The following FLNB variants were observed in gnomAD, a reference collection of about 807,000 sequenced individuals.
FLNB encodes the protein filamin-B.
FLNB carries 111 observed loss-of-function variants against 250.6 expected under a neutral mutation model. That is an observed-to-expected ratio of 0.44 (90% confidence interval 0.38 to 0.52). The LOEUF is 0.52. Among genes scored for constraint, FLNB ranks in the 20% least tolerant of loss-of-function variants. The pLI is 0.00. For synonymous variants in FLNB, 1,302 were observed against 1,372.1 expected, an observed-to-expected ratio of 0.95 and a Z score of 1.13; for missense variants, 2,869 against 3,447.8, an observed-to-expected ratio of 0.83 and a Z score of 4.20.
chr3:58,078,935 GT>G, intron 3 of FLNB, 121 bp downstream of exon 3: 4 of 706,520 alleles, frequency 5.7e-6, no homozygotes, highest in Non-Finnish European at 1.0e-5. Flanking sequence ...AGCATTGCCT[GT>G]GATGCTCTCT....
intron 1 of FLNB, among the ~76,000 whole-genome samples, chr3:58,034,239 G>C (rs976508789): frequency 6.6e-6 from 1 of 152,084 alleles, no homozygotes; most frequent in Non-Finnish European, 1.5e-5. Context: ...TTTCTGAGTG[G>C]AATGTTAGGA....
At chr3:58,040,231 G>C (rs970012532) in intron 1 of FLNB, among the ~76,000 whole-genome samples, 1 of 152,182 alleles carries the variant, frequency 6.6e-6, no homozygotes, top group African/African-American at 2.4e-5. Context: ...AGTGTTTGTT[G>C]AATAATAAGC....
intron 28 of FLNB, among the ~76,000 whole-genome samples, chr3:58,137,541 C>A (rs1376172775): frequency 6.6e-6 from 1 of 152,230 alleles, no homozygotes; most frequent in Admixed American, 6.5e-5. Context: ...ACAAACTGTT[C>A]TTGCCACCCT....
At chr3:58,078,613 A>T in intron 2 of FLNB, 104 bp from the exon 3 acceptor site, 1 of 1,516,908 alleles carries the variant, frequency 6.6e-7, no homozygotes, top group Non-Finnish European at 8.9e-7. Context: ...GGAAAAAATC[A>T]TTCTCTGAAC....
At chr3:58,141,798 G>A in intron 29 of FLNB, 60 bp from the exon 30 acceptor site, 1 of 1,457,452 alleles carries the variant, frequency 6.9e-7, no homozygotes, top group South Asian at 1.1e-5. Context: ...TGTGGTGGTA[G>A]TCTACTGAGT....
In FLNB at chr3:58,109,883, ACT is replaced by A. The variant is rs565961748; in HGVS notation, c.2324-124_2324-123del. 3.5e-4 allele frequency: 503 copies of A among 1,428,442 alleles called. 3 individuals are homozygous for A. The African/African-American group carries it at 6.3e-3, about 18-fold the overall frequency. 88.5% of individuals were successfully genotyped at this position (1,428,442 alleles called of 1,614,324 possible). The stretch of plus-strand genomic sequence containing the variant: ...CCATCATCCCTTTCCCCAAATCCTT[ACT>A]CTTTCTCAGGTTTCTTACTAGAAAC... On this transcript the variant is annotated intron_variant, in intron 15 of 45. Coordinates refer to ENST00000295956, the MANE Select transcript of FLNB (RefSeq NM_001457.4).
At chr3:58,075,265 G>C (rs191882660) in intron 1 of FLNB, among the ~76,000 whole-genome samples, 1 of 151,988 alleles carries the variant, frequency 6.6e-6, no homozygotes, top group African/African-American at 2.4e-5. Flanking sequence ...CTCAACAAGC[G>C]GCTTAGTTCT....
chr3:58,139,014 C>T (rs1476362138), intron 29 of FLNB, among the ~76,000 whole-genome samples: 2 of 152,166 alleles, frequency 1.3e-5, no homozygotes. Context: ...AAGATTCACA[C>T]TTTATGTATG....
intron 25 of FLNB, chr3:58,131,897 G>A (rs1366444511): frequency 2.8e-6 from 4 of 1,440,272 alleles, no homozygotes; most frequent in Non-Finnish European, 3.8e-6. Context: ...TATTATGAAG[G>A]ACTCTCAAGT....
At chr3:58,048,493 G>T (rs1244605995) in intron 1 of FLNB, among the ~76,000 whole-genome samples, 1 of 152,168 alleles carries the variant, frequency 6.6e-6, no homozygotes, top group East Asian at 1.9e-4. Flanking sequence ...TTTGGCTAGG[G>T]CACTTCCTGA....
rs987317351 is a variant in FLNB at position 58,164,592 on chromosome 3, G to A, written c.7198+1262G>A. 1.3e-5 allele frequency: 2 copies of A among 152,354 alleles called. No individual in the cohort carries two copies. The highest frequency in any genetic ancestry group is 2.4e-5 in the African/African-American group (1 of 41,428). 9.4% of individuals were successfully genotyped at this position (152,354 alleles called of 1,614,324 possible). On this transcript the variant is annotated intron_variant, in intron 43 of 45. Coordinates refer to ENST00000295956, the MANE Select transcript of FLNB (RefSeq NM_001457.4). This position sits in a 1 kb window ranked among gnomAD's most constrained non-coding sequence, Gnocchi z 4.0. The stretch of plus-strand genomic sequence containing the variant: ...GGCCAAGGGGCCCTCTCCGGGTGCA[G>A]GAGTGACTGGTGGGCTGGCAGGCTG...
chr3:58,054,973 A>G (rs1206541508), intron 1 of FLNB, among the ~76,000 whole-genome samples: 1 of 152,148 alleles, frequency 6.6e-6, no homozygotes, highest in Non-Finnish European at 1.5e-5. Context: ...AAACCTAAAT[A>G]TTTACTATCC....
intron 1 of FLNB, among the ~76,000 whole-genome samples, chr3:58,049,514 A>G (rs2097159083): frequency 6.6e-6 from 1 of 152,192 alleles, no homozygotes; most frequent in African/African-American, 2.4e-5. Flanking sequence ...GCCAGCTTTC[A>G]GGCCTCAGGA....
At chr3:58,060,769 C>CAAAAAAAAAAAAAAAAAAAAAAAAAAAAA (rs71091334) in intron 1 of FLNB, among the ~76,000 whole-genome samples, 5 of 64,206 alleles carry the variant, frequency 7.8e-5, no homozygotes, top group Non-Finnish European at 1.1e-4. Context: ...GACCTTGTCT[C>CAAAAAAAAAAAAAAAAAAAAAAAAAAAAA]AAAAAAAAAA....
intron 4 of FLNB, among the ~76,000 whole-genome samples, chr3:58,088,084 C>T (rs2097220390): frequency 7.7e-6 from 1 of 129,034 alleles, no homozygotes; most frequent in African/African-American, 2.9e-5. Context: ...TTCTGTTTCA[C>T]AGGTTGGAGT....
At chr3:58,162,958 C>T (rs2097364162) in intron 42 of FLNB, 196 bp from the exon 43 acceptor site, 6 of 627,502 alleles carry the variant, frequency 9.6e-6, no homozygotes, top group Middle Eastern at 4.1e-4. Context: ...AATGTGGATG[C>T]GTTTCCCTTG....
chr3:58,009,148 C>A (rs956884919), intron 1 of FLNB, among the ~76,000 whole-genome samples: 1 of 152,132 alleles, frequency 6.6e-6, no homozygotes, highest in African/African-American at 2.4e-5. Flanking sequence ...TGTTGCATTT[C>A]TCTACACCTG....
At position 58,008,479 on chromosome 3, in the gene FLNB, C is replaced by T. The variant is rs2097093607; in HGVS notation, c.-86C>T. On this transcript the variant is annotated 5_prime_UTR_variant, in exon 1 of 46. Transcript: ENST00000295956. ...AAGTTCGAACCCCGCTCCCGCTCCG[C>T]TTCGGTTCTCGCTCCTTCGGCCCTT... is the stretch of plus-strand genomic sequence containing the variant. 12 of 1,474,312 alleles carry T rather than the reference C, an allele frequency of 8.1e-6. No individual in the cohort carries two copies. The highest frequency in any genetic ancestry group is 2.5e-5 in the East Asian group (1 of 40,576). The allele number at this position is 1,474,312 out of a possible 1,614,324, so 91.3% of individuals were successfully genotyped here.
intron 1 of FLNB, among the ~76,000 whole-genome samples, chr3:58,030,342 T>C (rs996969590): frequency 6.6e-6 from 1 of 152,200 alleles, no homozygotes; most frequent in Non-Finnish European, 1.5e-5. Flanking sequence ...CAGAGCAAGT[T>C]ATGGGTTTCA....
Sources: gnomAD v4.1 joint callset for allele counts (sites outside exome capture counted in the v4.1 genomes callset) on GRCh38, gnomAD v4.1.1 for gene constraint, Gnocchi (gnomAD v3.1) non-coding constraint, MANE v1.5 for transcripts, NCBI Gene and HGNC (gene_info 2026-07-23, HGNC 2026-07-21) for gene names.